GRK4: variants seen among roughly 807,000 people sequenced by gnomAD.
The protein encoded by GRK4 is G protein-coupled receptor kinase 4, also known as G protein-coupled receptor kinase 2-like.
Under a neutral mutation model 77.9 loss-of-function variants are expected in GRK4, and 73 were observed. The ratio of observed to expected loss-of-function variants is 0.94; its 90% confidence interval spans 0.78 to 1.14. The LOEUF is 1.14. GRK4 is among the 50% of genes most tolerant of loss of function. The pLI, the probability that GRK4 is intolerant of heterozygous loss-of-function variation, is 0.00. For missense variants in GRK4, 729 were observed against 700.2 expected (o/e 1.04, Z -0.46); for synonymous variants, 257 against 254.4 (o/e 1.01, Z -0.10).
At chr4:3,038,199 T>C (rs1035680755) in intron 14 of GRK4, among the ~76,000 whole-genome samples, 177 bp from the exon 15 acceptor site, 3 of 152,168 alleles carry the variant, frequency 2.0e-5, no homozygotes, top group African/African-American at 7.2e-5. Context: ...ACATTACTTA[T>C]TCCAAGAAGA....
At chr4:3,015,433 C>T (rs1015120241) in intron 8 of GRK4, among the ~76,000 whole-genome samples, 2 of 152,060 alleles carry the variant, frequency 1.3e-5, no homozygotes, top group Non-Finnish European at 2.9e-5. Context: ...CGCCTGTAAT[C>T]CCAGCACTTT....
intron 8 of GRK4, among the ~76,000 whole-genome samples, chr4:3,016,777 G>T (rs1364167107): frequency 4.0e-5 from 6 of 151,326 alleles, no homozygotes; most frequent in African/African-American, 9.7e-5. Flanking sequence ...TTGGAACATA[G>T]AAATCCACAA....
intron 4 of GRK4, among the ~76,000 whole-genome samples, chr4:3,003,678 G>T (rs1730481327): frequency 6.6e-6 from 1 of 152,104 alleles, no homozygotes; most frequent in African/African-American, 2.4e-5. Flanking sequence ...CAATGAACAT[G>T]GGTGTGCAGA....
chr4:2,965,036 C>T lies in GRK4; in HGVS notation c.52+914C>T, dbSNP rs182091115. Among the ~76,000 whole-genome samples, 3 of 152,236 alleles carry T rather than the reference C, an allele frequency of 2.0e-5. No individual in the cohort carries two copies. In the East Asian group the frequency reaches 5.8e-4, roughly 29 times the overall value. On this transcript the variant is annotated intron_variant, in intron 1 of 15. Transcript: ENST00000398052. ...CAAGGCCACCAGCTATGCAAGGCCA[C>T]AAGTTATGCCAAGTCATCAGTTATG...
chr4:3,038,409 AAAAGTG>A lies in GRK4; in HGVS notation c.1587_1592del (p.Ser530_Glu531del). On this transcript the variant is annotated inframe_deletion, in exon 15 of 16. Coordinates refer to ENST00000398052, the MANE Select transcript of GRK4 (RefSeq NM_182982.3). ...ATCTGGGTGTTTCAAAGACATCAAC[AAAAGTG>A]AAAGTGAGGAAGCTTTGCCATTAGA... 1 of 1,614,232 alleles carries A rather than the reference AAAAGTG, an allele frequency of 6.2e-7. No homozygotes were observed. Among genetic ancestry groups the A allele is most frequent in the South Asian group, 1.1e-5 (1 of 91,090 alleles).
chr4:3,039,086 C>T (rs1158957084), intron 15 of GRK4, among the ~76,000 whole-genome samples: 6 of 152,110 alleles, frequency 3.9e-5, no homozygotes, highest in Non-Finnish European at 7.4e-5. Context: ...TGTGGTGGCA[C>T]ATGCCTGTAG....
chr4:3,034,158 A>T (rs538854793), intron 12 of GRK4, among the ~76,000 whole-genome samples: 1 of 152,292 alleles, frequency 6.6e-6, no homozygotes, highest in South Asian at 2.1e-4. Flanking sequence ...TAGTGCAGGT[A>T]TGGGGGCCAG....
chr4:3,008,661 G>C (rs1195052714), intron 6 of GRK4, among the ~76,000 whole-genome samples: 2 of 152,032 alleles, frequency 1.3e-5, no homozygotes, highest in Non-Finnish European at 2.9e-5. Flanking sequence ...ACTTAGCCAG[G>C]CACGGTGGCA....
chr4:3,009,596 T>G lies in GRK4; in HGVS notation c.537-52T>G. ...CAAGCGCTGAGTAAACTTTTCTTTT[T>G]TAAAAGAACAATGCAATGTGAGACC... On this transcript the variant is annotated intron_variant, in intron 6 of 15. Transcript: ENST00000398052. 2.1e-6 allele frequency: 3 copies of G among 1,420,274 alleles called. No homozygotes were observed. The Admixed American group carries it at 5.1e-5, about 24-fold the overall frequency. The allele number at this position is 1,420,274 out of a possible 1,614,324, so 88.0% of individuals were successfully genotyped here. A position where few individuals can be genotyped will look rare whatever the true frequency, so the allele number is the denominator to read the frequency against.
At chr4:2,998,185 C>T (rs1006860541) in intron 4 of GRK4, among the ~76,000 whole-genome samples, 1 of 151,976 alleles carries the variant, frequency 6.6e-6, no homozygotes, top group Non-Finnish European at 1.5e-5. Flanking sequence ...GGTGAAACCC[C>T]CGTCTGTACT....
rs1254605236 is a variant in GRK4 at position 2,988,859 on chromosome 4, A to G, written c.261+20A>G. The G allele has an allele frequency of 7.2e-7, 1 of 1,387,284 alleles. No individual in the cohort carries two copies. Among genetic ancestry groups the G allele is most frequent in the Non-Finnish European group, 1.0e-6 (1 of 973,312 alleles). The allele number at this position is 1,387,284 out of a possible 1,614,324, so 85.9% of individuals were successfully genotyped here. A position where few individuals can be genotyped will look rare whatever the true frequency, so the allele number is the denominator to read the frequency against. Reference sequence around the variant, plus strand: ...GCAGTGGTGAGCAGTTTATCTCCATATTGAGCAACCACCCAATCTTATGCT... The same window carrying G: ...GCAGTGGTGAGCAGTTTATCTCCATGTTGAGCAACCACCCAATCTTATGCT... On this transcript the variant is annotated intron_variant, in intron 3 of 15. Transcript: ENST00000398052.
chr4:3,037,479 A>G lies in GRK4; in HGVS notation c.1513A>G (p.Thr505Ala). Residue 505 changes from threonine to alanine, a missense_variant, in exon 14 of 16, where the codon ACC becomes GCC. Coordinates refer to ENST00000398052, the MANE Select transcript of GRK4 (RefSeq NM_182982.3). ...ADEDFYARFA[T>A]GCVSIPWQNE... ...TGAAGACTTCTATGCTCGGTTTGCTACCGGGTGTGTCTCCATCCCCTGGCA... is the reference window on the plus strand; with the variant it reads ...TGAAGACTTCTATGCTCGGTTTGCTGCCGGGTGTGTCTCCATCCCCTGGCA... 1 of 1,609,252 alleles carries G rather than the reference A, an allele frequency of 6.2e-7. No homozygotes were observed. Among genetic ancestry groups the G allele is most frequent in the Non-Finnish European group, 8.5e-7 (1 of 1,176,080 alleles).
At chr4:2,964,749 A>G (rs570893509) in intron 1 of GRK4, among the ~76,000 whole-genome samples, 117 of 152,320 alleles carry the variant, frequency 7.7e-4, no homozygotes, top group Admixed American at 2.4e-3. Context: ...TAAGTACTGC[A>G]TTCATTCACT....
At chr4:3,023,544 A>G (rs910691423) in intron 10 of GRK4, among the ~76,000 whole-genome samples, 9 of 152,188 alleles carry the variant, frequency 5.9e-5, no homozygotes, top group South Asian at 2.1e-4. Context: ...TAATTCATGT[A>G]TGACACCCTG....
chr4:2,994,595 G>C (rs945509772), intron 4 of GRK4, among the ~76,000 whole-genome samples: 2 of 151,794 alleles, frequency 1.3e-5, no homozygotes, highest in African/African-American at 4.8e-5. Context: ...TAGCAAGGGA[G>C]GGCATCAAGA....
intron 12 of GRK4, among the ~76,000 whole-genome samples, chr4:3,034,952 G>A (rs959739259): frequency 1.3e-5 from 2 of 152,124 alleles, no homozygotes; most frequent in Admixed American, 1.3e-4. Flanking sequence ...TCTGCTTGAT[G>A]CTTGGAAATT....
intron 1 of GRK4, among the ~76,000 whole-genome samples, chr4:2,974,339 GATGCTCAGTAA>G (rs1256352574): frequency 6.6e-6 from 1 of 152,214 alleles, no homozygotes; most frequent in Non-Finnish European, 1.5e-5. Flanking sequence ...GCACACATTA[GATGCTCAGTAA>G]ATATTTGTTG....
At chr4:3,013,384 A>C (rs928605901) in intron 7 of GRK4, among the ~76,000 whole-genome samples, 1 of 152,218 alleles carries the variant, frequency 6.6e-6, no homozygotes, top group South Asian at 2.1e-4. Flanking sequence ...ACTTTTTAAA[A>C]CTTTTGCACT....
At chr4:3,023,816 G>A (rs976278014) in intron 10 of GRK4, among the ~76,000 whole-genome samples, 1 of 152,214 alleles carries the variant, frequency 6.6e-6, no homozygotes. Flanking sequence ...AAGCTATGTG[G>A]TTGATCGGAA....
Sources: allele counts gnomAD v4.1 joint callset (sites outside exome capture counted in the v4.1 genomes callset), GRCh38; gene constraint gnomAD v4.1.1; transcripts MANE v1.5; gene names NCBI Gene and HGNC (gene_info 2026-07-23, HGNC 2026-07-21).